The following FAM13A variants were observed in gnomAD, a reference collection of about 807,000 sequenced individuals.
FAM13A encodes the protein protein FAM13A.
FAM13A carries 76 observed loss-of-function variants against 129.6 expected under a neutral mutation model. The observed-to-expected ratio is 0.59, with a 90% confidence interval of 0.49 to 0.71. The LOEUF is 0.71. FAM13A is among the 30% of genes least tolerant of loss of function. FAM13A has a pLI of 0.00. For missense variants in FAM13A, 1,108 were observed against 1,249.3 expected (o/e 0.89, Z 1.70); for synonymous variants, 443 against 449.9 (o/e 0.98, Z 0.20).
intron 7 of FAM13A, among the ~76,000 whole-genome samples, chr4:88,806,769 G>T (rs542280718): frequency 6.6e-6 from 1 of 152,226 alleles, no homozygotes; most frequent in South Asian, 2.1e-4. Flanking sequence ...AGTAAGAGGG[G>T]ACAACACCTG....
At chr4:89,000,122 A>C (rs759319849) in intron 3 of FAM13A, among the ~76,000 whole-genome samples, 2 of 152,204 alleles carry the variant, frequency 1.3e-5, no homozygotes, top group Non-Finnish European at 2.9e-5. Context: ...TCAAGCCTAT[A>C]ATCTTTCTAA....
chr4:88,924,391 A>G (rs1010026430), intron 5 of FAM13A, among the ~76,000 whole-genome samples: 10 of 152,336 alleles, frequency 6.6e-5, no homozygotes, highest in Admixed American at 6.5e-4. Flanking sequence ...GCCCTCAGAA[A>G]TAACGCCACA....
chr4:88,960,857 A>C (rs1258487916), intron 4 of FAM13A, among the ~76,000 whole-genome samples: 2 of 152,242 alleles, frequency 1.3e-5, no homozygotes, highest in Admixed American at 1.3e-4. Context: ...TAACAAAAGC[A>C]ACAGTTACTA....
chr4:88,736,179 T>C (rs757323190), intron 21 of FAM13A, among the ~76,000 whole-genome samples: 3 of 152,182 alleles, frequency 2.0e-5, no homozygotes, highest in Non-Finnish European at 2.9e-5. Context: ...AGACACAATA[T>C]AGTATACTGG....
intron 6 of FAM13A, among the ~76,000 whole-genome samples, chr4:88,902,160 C>T (rs1168796436): frequency 6.6e-6 from 1 of 152,204 alleles, no homozygotes; most frequent in Non-Finnish European, 1.5e-5. Context: ...AGATTTGCAG[C>T]TGAATTCTAC....
intron 7 of FAM13A, among the ~76,000 whole-genome samples, chr4:88,839,808 A>G (rs994488243): frequency 6.6e-6 from 1 of 152,242 alleles, no homozygotes; most frequent in Admixed American, 6.5e-5. Context: ...TAATTGTTAA[A>G]TCTGCCCCCC....
intron 7 of FAM13A, among the ~76,000 whole-genome samples, chr4:88,830,729 T>C (rs1258898705): frequency 6.6e-6 from 1 of 152,190 alleles, no homozygotes; most frequent in African/African-American, 2.4e-5. Context: ...ATTTGGATTC[T>C]AAAATCTTGT....
intron 8 of FAM13A, among the ~76,000 whole-genome samples, chr4:88,798,329 G>C (rs953454814): frequency 6.6e-6 from 1 of 152,152 alleles, no homozygotes; most frequent in Non-Finnish European, 1.5e-5. Context: ...CTAGGTGACT[G>C]AGCATCCCAG....
At chr4:88,868,269 A>C (rs1463912713) in intron 6 of FAM13A, among the ~76,000 whole-genome samples, 1 of 152,162 alleles carries the variant, frequency 6.6e-6, no homozygotes, top group Non-Finnish European at 1.5e-5. Context: ...CCATGCCCCC[A>C]AAAACTTATC....
chr4:88,812,255 A>G (rs1168289854), intron 7 of FAM13A, among the ~76,000 whole-genome samples: 1 of 152,144 alleles, frequency 6.6e-6, no homozygotes, highest in Non-Finnish European at 1.5e-5. Context: ...TCAATTACCA[A>G]ATTGTACGGA....
At chr4:88,755,895 G>A (rs980484750) in intron 14 of FAM13A, among the ~76,000 whole-genome samples, 6 of 152,144 alleles carry the variant, frequency 3.9e-5, no homozygotes, top group East Asian at 3.9e-4. Flanking sequence ...GTGATCCTCC[G>A]GCTTCAGCCG....
chr4:88,888,928 T>C (rs1424269819), intron 6 of FAM13A, among the ~76,000 whole-genome samples: 1 of 121,276 alleles, frequency 8.2e-6, no homozygotes, highest in South Asian at 2.6e-4. Flanking sequence ...AGAGCGAGAC[T>C]CCGTCTCCAA....
chr4:88,903,867 A>C (rs1747705252), intron 6 of FAM13A, among the ~76,000 whole-genome samples: 1 of 152,352 alleles, frequency 6.6e-6, no homozygotes, highest in South Asian at 2.1e-4. Context: ...AAATGTTTGT[A>C]ACTTATCCAT....
chr4:88,988,404 T>C (rs1762531952), intron 4 of FAM13A, among the ~76,000 whole-genome samples: 1 of 152,220 alleles, frequency 6.6e-6, no homozygotes, highest in Non-Finnish European at 1.5e-5. Flanking sequence ...TCCATTTTCT[T>C]AGGCATAATA....
intron 11 of FAM13A, 59 bp from the exon 12 acceptor site, chr4:88,768,118 C>A: frequency 2.3e-6 from 2 of 883,802 alleles, no homozygotes; most frequent in Non-Finnish European, 3.7e-6. Flanking sequence ...GCAACGCAGA[C>A]CCTCCTTTCT....
chr4:89,042,165 T>C (rs183766987), intron 1 of FAM13A, among the ~76,000 whole-genome samples: 6 of 152,128 alleles, frequency 3.9e-5, no homozygotes, highest in Admixed American at 2.6e-4. Flanking sequence ...CAATACAGTC[T>C]TTTCCCCATG....
intron 14 of FAM13A, among the ~76,000 whole-genome samples, chr4:88,756,614 C>T (rs946836761): frequency 7.2e-5 from 11 of 152,046 alleles, no homozygotes; most frequent in African/African-American, 2.4e-4. Context: ...TTATGACTTT[C>T]GTTTACATAT....
rs144078798 is a variant in FAM13A at position 88,815,430 on chromosome 4, A to G, written c.1008-10378T>C. Among the ~76,000 whole-genome samples, 490 of 152,298 alleles carry G rather than the reference A, an allele frequency of 3.2e-3. 2 individuals are homozygous for G. The highest frequency in any genetic ancestry group is 0.011 in the African/African-American group (476 of 41,572). ...ATTTGCACAAGGGTTATAATGTACT[A>G]TACTTTGGTTCTGGAGTCCGTTATT... On this transcript the variant is annotated intron_variant, in intron 7 of 23. Coordinates refer to ENST00000264344, the MANE Select transcript of FAM13A (RefSeq NM_014883.4).
chr4:88,882,816 G>A (rs539930628), intron 6 of FAM13A, among the ~76,000 whole-genome samples: 57 of 152,142 alleles, frequency 3.7e-4, no homozygotes, highest in South Asian at 6.2e-4. Flanking sequence ...TAAAGGGTTG[G>A]AAAAAGATAT....
Sources: gnomAD v4.1 joint callset for allele counts (sites outside exome capture counted in the v4.1 genomes callset) on GRCh38, gnomAD v4.1.1 for gene constraint, MANE v1.5 for transcripts, NCBI Gene and HGNC (gene_info 2026-07-23, HGNC 2026-07-21) for gene names.